The following RNF180 variants were observed in gnomAD, a reference collection of about 807,000 sequenced individuals.
RNF180 encodes E3 ubiquitin-protein ligase RNF180.
Under a neutral mutation model 59.2 loss-of-function variants are expected in RNF180, and 38 were observed. The ratio of observed to expected loss-of-function variants is 0.64; its 90% CI spans 0.50 to 0.84. The LOEUF (loss-of-function observed/expected upper bound fraction) is 0.84, where lower values mean the gene tolerates loss of function less well. Among genes scored for constraint, RNF180 ranks in the 40% least tolerant of loss-of-function variants. RNF180 has a pLI of 0.00. For synonymous variants in RNF180, 262 were observed against 240.3 expected, an observed-to-expected ratio of 1.09 and a Z score of -0.84; for missense variants, 705 against 700.9, an observed-to-expected ratio of 1.01 and a Z score of -0.07.
chr5:64,311,032 A>G (rs950853509), intron 5 of RNF180, among the ~76,000 whole-genome samples: 19 of 151,916 alleles, frequency 1.3e-4, no homozygotes, highest in African/African-American at 4.1e-4. Flanking sequence ...ACTTAAAAAT[A>G]CCAAGAAGAA....
At chr5:64,287,871 G>A (rs1259146966) in intron 5 of RNF180, among the ~76,000 whole-genome samples, 1 of 152,080 alleles carries the variant, frequency 6.6e-6, no homozygotes, top group African/African-American at 2.4e-5. Context: ...TCTGATGATA[G>A]CTTCTTTTTG....
At chr5:64,281,137 T>C (rs1437626211) in intron 5 of RNF180, among the ~76,000 whole-genome samples, 2 of 152,222 alleles carry the variant, frequency 1.3e-5, no homozygotes, top group African/African-American at 2.4e-5. Context: ...ATGCTGCTGA[T>C]TTTTGTACAT....
chr5:64,292,212 T>C (rs1225168942), intron 5 of RNF180, among the ~76,000 whole-genome samples: 1 of 152,224 alleles, frequency 6.6e-6, no homozygotes, highest in Admixed American at 6.5e-5. Flanking sequence ...AAAGGCACTC[T>C]GGCCTTTTGA....
chr5:64,242,482 T>TA (rs1285456252), intron 5 of RNF180, among the ~76,000 whole-genome samples: 2 of 151,866 alleles, frequency 1.3e-5, no homozygotes, highest in East Asian at 1.9e-4. Flanking sequence ...GAGAAACAAT[T>TA]AAAAAAACTG....
Position 64,212,102 on chromosome 5 carries a change from A to G in RNF180, c.173A>G (p.His58Arg). Reference sequence around the variant, plus strand: ...TCAGTTGATGCTCAAAATATTTGTCATGTGTGGCACATGAATGTAGAAGCC... The same window carrying G: ...TCAGTTGATGCTCAAAATATTTGTCGTGTGTGGCACATGAATGTAGAAGCC... ...DDSVDAQNIC[H>R]VWHMNVEALP... The change falls in exon 3 of 8, where the codon CAT becomes CGT. Residue 58 changes from histidine (H) to arginine (R), a missense_variant. Physicochemically the swap from His to Arg is conservative, Grantham distance 29. Coordinates refer to ENST00000389100, the MANE Select transcript of RNF180 (RefSeq NM_001113561.2). 1 of 1,607,554 alleles carries G rather than the reference A, an allele frequency of 6.2e-7. No individual in the cohort carries two copies.
At chr5:64,315,289 C>T (rs758250138) in intron 5 of RNF180, among the ~76,000 whole-genome samples, 12 of 152,210 alleles carry the variant, frequency 7.9e-5, no homozygotes, top group African/African-American at 2.4e-4. Context: ...CAGCAAATAC[C>T]GTCAGTTGTT....
chr5:64,181,646 T>C (rs1750589665), intron 1 of RNF180, among the ~76,000 whole-genome samples: 1 of 152,150 alleles, frequency 6.6e-6, no homozygotes, highest in African/African-American at 2.4e-5. Context: ...AAAGTGATCA[T>C]GGGTAGTTTC....
chr5:64,348,649 T>A (rs1745654888), intron 7 of RNF180, among the ~76,000 whole-genome samples: 1 of 152,018 alleles, frequency 6.6e-6, no homozygotes, highest in Non-Finnish European at 1.5e-5. Context: ...CCTGATAAAA[T>A]TTTTTTCTAA....
chr5:64,329,438 AT>A (rs1040545993), intron 6 of RNF180, among the ~76,000 whole-genome samples: 9 of 146,538 alleles, frequency 6.1e-5, no homozygotes, highest in Non-Finnish European at 1.2e-4. Context: ...CATTAGTTAG[AT>A]TTTTTTTCTT....
Position 64,214,124 on chromosome 5 carries a change from T to G in RNF180, c.798T>G (p.Leu266=), listed in dbSNP as rs769060178. 1.5e-5 allele frequency: 24 copies of G among 1,614,006 alleles called. No homozygotes were observed. In the South Asian group the frequency reaches 2.6e-4, roughly 18 times the overall value. The change falls in exon 4 of 8, where the codon CTT becomes CTG. Residue 266 remains leucine, a synonymous_variant. Coordinates refer to ENST00000389100, the MANE Select transcript of RNF180 (RefSeq NM_001113561.2). ...TAAATGAAACACAGCCTATTGACCT[T>G]TCAGGCTTGCCTTTACAATCTAGTA... ...SRLNETQPID[L]SGLPLQSSKN...
chr5:64,272,048 T>C (rs977136981), intron 5 of RNF180, among the ~76,000 whole-genome samples: 3 of 152,110 alleles, frequency 2.0e-5, no homozygotes, highest in Non-Finnish European at 4.4e-5. Context: ...AACTTCTCTT[T>C]CATTCAACAA....
chr5:64,193,964 G>A (rs926827446), intron 1 of RNF180, among the ~76,000 whole-genome samples: 1 of 152,044 alleles, frequency 6.6e-6, no homozygotes, highest in Non-Finnish European at 1.5e-5. Context: ...TTGATGAGAG[G>A]AAAAGAGGGA....
intron 1 of RNF180, among the ~76,000 whole-genome samples, chr5:64,185,667 A>G (rs529138387): frequency 1.3e-5 from 2 of 152,322 alleles, no homozygotes; most frequent in East Asian, 3.9e-4. Context: ...CAGTAGCTCT[A>G]ATTGCCACAA....
rs554220720 is a variant in RNF180 at position 64,214,023 on chromosome 5, C to G, written c.697C>G (p.Leu233Val). ...AFHRKSHSLD[L>V]NISEKLTLLP... ...TCATAGAAAATCACATAGTTTGGAT[C>G]TGAACATCAGTGAGAAACTGACTTT... Residue 233 changes from leucine (L) to valine (V), a missense_variant, in exon 4 of 8, where the codon CTG (leucine) becomes GTG (valine). Coordinates refer to ENST00000389100, the MANE Select transcript of RNF180 (RefSeq NM_001113561.2). The G allele has an allele frequency of 6.2e-7, 1 of 1,614,154 alleles. No individual in the cohort carries two copies. The highest frequency in any genetic ancestry group is 1.3e-5 in the African/African-American group (1 of 75,048).
In RNF180 at chr5:64,243,890, A is replaced by G. The variant is rs1742982048; in HGVS notation, c.1227+26494A>G. Among the ~76,000 whole-genome samples, 5 of 152,174 alleles carry G rather than the reference A, an allele frequency of 3.3e-5. No homozygotes were observed. In the South Asian group the frequency reaches 1.0e-3, roughly 32 times the overall value. ...CCTCTGGGACAAAGCTTCCAGAGAA[A>G]GGAACAGGCAGCAATCTTTGCTGTT... On this transcript the variant is annotated intron_variant, in intron 5 of 7. Transcript: ENST00000389100.
intron 6 of RNF180, among the ~76,000 whole-genome samples, chr5:64,329,413 C>T (rs1387484147): frequency 1.3e-5 from 2 of 151,860 alleles, no homozygotes; most frequent in Non-Finnish European, 2.9e-5. Flanking sequence ...AACTTTTCCA[C>T]CTCAGATTAT....
intron 1 of RNF180, among the ~76,000 whole-genome samples, chr5:64,181,020 T>C (rs1750546590): frequency 6.6e-6 from 1 of 152,192 alleles, no homozygotes; most frequent in Admixed American, 6.5e-5. Context: ...ACCACTGGTA[T>C]AGGTCCAAGA....
chr5:64,306,726 A>G (rs1415843182), intron 5 of RNF180, among the ~76,000 whole-genome samples: 1 of 150,376 alleles, frequency 6.6e-6, no homozygotes, highest in Non-Finnish European at 1.5e-5. Flanking sequence ...TCACAAGGAC[A>G]AAAAACCAAA....
chr5:64,170,413 A>G (rs1177044210), intron 1 of RNF180, among the ~76,000 whole-genome samples: 2 of 152,180 alleles, frequency 1.3e-5, no homozygotes, highest in Non-Finnish European at 2.9e-5. Flanking sequence ...CAGTAGCACA[A>G]TTTAAACAAG....
Sources: allele counts gnomAD v4.1 joint callset (sites outside exome capture counted in the v4.1 genomes callset), GRCh38; gene constraint gnomAD v4.1.1; transcripts MANE v1.5; gene names NCBI Gene and HGNC (gene_info 2026-07-23, HGNC 2026-07-21).